MAP4K4: variants seen among roughly 807,000 people sequenced by gnomAD.
MAP4K4 encodes the protein mitogen-activated protein kinase kinase kinase kinase 4.
In MAP4K4, 38 loss-of-function variants were observed where a neutral mutation model predicts 189.6. That is an observed-to-expected ratio of 0.20 (90% confidence interval 0.15 to 0.26). The LOEUF (loss-of-function observed/expected upper bound fraction) is 0.26, where lower values mean the gene tolerates loss of function less well. MAP4K4 is among the 10% of genes least tolerant of loss of function. MAP4K4 has a pLI of 1.00. For synonymous variants in MAP4K4, 610 were observed against 624.3 expected, an observed-to-expected ratio of 0.98 and a Z score of 0.34; for missense variants, 1,054 against 1,726.9, an observed-to-expected ratio of 0.61 and a Z score of 6.91.
chr2:101,778,799 G>A (rs1162800799), intron 2 of MAP4K4, among the ~76,000 whole-genome samples: 5 of 152,110 alleles, frequency 3.3e-5, no homozygotes, highest in Non-Finnish European at 5.9e-5. Context: ...TGGGGTGGAA[G>A]CAGGTTCTGG....
chr2:101,826,249 T>C (rs1015333736), intron 5 of MAP4K4, among the ~76,000 whole-genome samples: 5 of 152,200 alleles, frequency 3.3e-5, no homozygotes, highest in Non-Finnish European at 5.9e-5. Flanking sequence ...TAATAAGTTA[T>C]TTTAATTTTT....
rs532581827 is a variant in MAP4K4, at chr2:101,771,355, A to G, written c.124-19365A>G. 2.0e-5 allele frequency among the ~76,000 whole-genome samples: 3 copies of G among 152,326 alleles called. No individual in the cohort carries two copies. In the South Asian group the frequency reaches 6.2e-4, roughly 32 times the overall value. ...GGAGAAATTTGCTTAGACCGCCAGG[A>G]TCTAAAGTGAGATGAGAAGATGGCA... is the stretch of plus-strand genomic sequence containing the variant. On this transcript the variant is annotated intron_variant, in intron 2 of 32. Transcript: ENST00000324219.
intron 2 of MAP4K4, among the ~76,000 whole-genome samples, chr2:101,788,052 C>T (rs758282261): frequency 2.0e-5 from 3 of 151,812 alleles, no homozygotes; most frequent in Non-Finnish European, 2.9e-5. Flanking sequence ...GATCCACCTG[C>T]CTTGGCCTCC....
chr2:101,873,058 C>T (rs1440705473), intron 24 of MAP4K4, among the ~76,000 whole-genome samples: 2 of 152,120 alleles, frequency 1.3e-5, no homozygotes, highest in African/African-American at 2.4e-5. Flanking sequence ...CACTAGTGCT[C>T]CTAAAAGATC....
chr2:101,775,390 G>A (rs920724392), intron 2 of MAP4K4, among the ~76,000 whole-genome samples: 5 of 151,684 alleles, frequency 3.3e-5, no homozygotes, highest in African/African-American at 1.2e-4. Flanking sequence ...ATTCAAGTGG[G>A]GTAACTGCTG....
intron 12 of MAP4K4, among the ~76,000 whole-genome samples, chr2:101,855,362 G>A (rs1247274276): frequency 6.6e-6 from 1 of 152,190 alleles, no homozygotes; most frequent in African/African-American, 2.4e-5. Flanking sequence ...ATGAAATAAT[G>A]ACTTCCTTGG....
intron 3 of MAP4K4, among the ~76,000 whole-genome samples, chr2:101,793,929 G>A (rs936595484): frequency 6.6e-6 from 1 of 152,186 alleles, no homozygotes; most frequent in African/African-American, 2.4e-5. Flanking sequence ...CTCGGGTGAG[G>A]TGACAAGGGA....
At chr2:101,768,800 G>C (rs1005331532) in intron 2 of MAP4K4, among the ~76,000 whole-genome samples, 1 of 152,188 alleles carries the variant, frequency 6.6e-6, no homozygotes, top group East Asian at 1.9e-4. Context: ...AGATACCCTC[G>C]TCTGGTGTTT....
intron 10 of MAP4K4, 118 bp downstream of exon 10, chr2:101,840,112 G>A (rs2096871508): frequency 2.0e-6 from 2 of 979,722 alleles, no homozygotes; most frequent in Non-Finnish European, 2.9e-6. Flanking sequence ...TGCTTGCATG[G>A]TTTCTCTGCT....
intron 3 of MAP4K4, among the ~76,000 whole-genome samples, chr2:101,803,770 G>A (rs1038758726): frequency 3.9e-5 from 6 of 152,156 alleles, no homozygotes; most frequent in African/African-American, 1.4e-4. Flanking sequence ...TAAAAGCTCT[G>A]ATTGTTTAAT....
At chr2:101,774,263 G>A (rs2082866657) in intron 2 of MAP4K4, among the ~76,000 whole-genome samples, 1 of 152,204 alleles carries the variant, frequency 6.6e-6, no homozygotes, top group Non-Finnish European at 1.5e-5. Flanking sequence ...TAACTGGGGT[G>A]AGATGATATC....
intron 2 of MAP4K4, among the ~76,000 whole-genome samples, chr2:101,769,845 G>A (rs1408170421): frequency 6.6e-6 from 1 of 152,094 alleles, no homozygotes; most frequent in Admixed American, 6.5e-5. Context: ...GCCTCCTAGA[G>A]TGCTGGGATT....
intron 2 of MAP4K4, among the ~76,000 whole-genome samples, chr2:101,775,343 A>G (rs1471785578): frequency 6.6e-6 from 1 of 151,488 alleles, no homozygotes; most frequent in Non-Finnish European, 1.5e-5. Context: ...TTCCTGTGAA[A>G]AATTTGTATC....
exon 1 of MAP4K4, chr2:101,698,125 C>G: frequency 7.9e-7 from 1 of 1,262,284 alleles, no homozygotes; most frequent in Non-Finnish European, 1.0e-6. Context: ...ACATCGACCT[C>G]TCCTCCCTGC....
chr2:101,833,080 G>A (rs1227544999), intron 7 of MAP4K4, among the ~76,000 whole-genome samples: 2 of 152,086 alleles, frequency 1.3e-5, no homozygotes, highest in Non-Finnish European at 2.9e-5. Flanking sequence ...AGGGTAATGA[G>A]CCCCTTTGTG....
chr2:101,742,157 C>T (rs1393438395), intron 2 of MAP4K4, among the ~76,000 whole-genome samples: 3 of 152,124 alleles, frequency 2.0e-5, no homozygotes, highest in Admixed American at 2.0e-4. Flanking sequence ...TTCAGAGTCC[C>T]GCACTCTTGG....
intron 2 of MAP4K4, among the ~76,000 whole-genome samples, chr2:101,755,299 T>A (rs1024968655): frequency 6.6e-6 from 1 of 152,122 alleles, no homozygotes; most frequent in African/African-American, 2.4e-5. Flanking sequence ...TTGTCTGTTA[T>A]GCAGAGTCCG....
exon 31 of MAP4K4, chr2:101,887,901 G>A: frequency 6.2e-7 from 1 of 1,611,960 alleles, no homozygotes; most frequent in Middle Eastern, 1.7e-4. Context: ...CACCAAGGAT[G>A]TAGTTCTACA....
chr2:101,768,889 C>G (rs1380381577), intron 2 of MAP4K4, among the ~76,000 whole-genome samples: 1 of 152,180 alleles, frequency 6.6e-6, no homozygotes, highest in East Asian at 1.9e-4. Context: ...GCTTCCAGTT[C>G]TCAATAGGCA....
Sources: gnomAD v4.1 joint callset for allele counts (sites outside exome capture counted in the v4.1 genomes callset) on GRCh38, gnomAD v4.1.1 for gene constraint, MANE v1.5 for transcripts, NCBI Gene and HGNC (gene_info 2026-07-23, HGNC 2026-07-21) for gene names.